The following XKR4 variants were observed in gnomAD, a reference collection of about 807,000 sequenced individuals.
The protein encoded by XKR4 is XK related 4.
XKR4 carries 12 observed loss-of-function variants against 53.9 expected under a neutral mutation model. The observed-to-expected ratio is 0.22, with a 90% CI of 0.14 to 0.36. XKR4 has a LOEUF of 0.36. Among genes scored for constraint, XKR4 ranks in the 10% least tolerant of loss-of-function variants. The pLI, the probability that XKR4 is intolerant of heterozygous loss-of-function variation, is 1.00. For missense variants in XKR4, 799 were observed against 859.5 expected (o/e 0.93, Z 0.88); for synonymous variants, 354 against 362.4 (o/e 0.98, Z 0.26).
At chr8:55,112,242 T>A (rs1043529836) in intron 1 of XKR4, among the ~76,000 whole-genome samples, 3 of 152,214 alleles carry the variant, frequency 2.0e-5, no homozygotes, top group Non-Finnish European at 2.9e-5. Context: ...TTTATACACA[T>A]GCCATATTTC....
chr8:55,125,237 C>CT (rs576784624), intron 1 of XKR4, among the ~76,000 whole-genome samples: 119 of 151,888 alleles, frequency 7.8e-4, no homozygotes, highest in African/African-American at 2.7e-3. Flanking sequence ...TTTCTTTTTT[C>CT]TTTTTTTCTT....
intron 2 of XKR4, among the ~76,000 whole-genome samples, chr8:55,518,828 C>A (rs1392296898): frequency 6.6e-6 from 1 of 152,088 alleles, no homozygotes; most frequent in Non-Finnish European, 1.5e-5. Flanking sequence ...AGCTAAAGGA[C>A]AACCAGACCA....
intron 1 of XKR4, among the ~76,000 whole-genome samples, chr8:55,253,395 T>C (rs1319707915): frequency 6.6e-6 from 1 of 152,246 alleles, no homozygotes; most frequent in Non-Finnish European, 1.5e-5. Flanking sequence ...GCCACACTTT[T>C]TTTTGTAATC....
At chr8:55,322,734 A>AT (rs1315478044) in intron 1 of XKR4, among the ~76,000 whole-genome samples, 7 of 152,242 alleles carry the variant, frequency 4.6e-5, no homozygotes, top group African/African-American at 7.2e-5. Flanking sequence ...AGAGTACGTG[A>AT]TATGTCTTTA....
At chr8:55,320,208 C>T (rs1358648781) in intron 1 of XKR4, among the ~76,000 whole-genome samples, 2 of 152,196 alleles carry the variant, frequency 1.3e-5, no homozygotes, top group Non-Finnish European at 2.9e-5. Flanking sequence ...TGCAAAACAA[C>T]AGAGCTGACA....
intron 1 of XKR4, among the ~76,000 whole-genome samples, chr8:55,331,246 A>C (rs1018380864): frequency 6.6e-6 from 1 of 152,080 alleles, no homozygotes; most frequent in Non-Finnish European, 1.5e-5. Flanking sequence ...TAATTTCTAC[A>C]TATTTGTGAA....
intron 1 of XKR4, among the ~76,000 whole-genome samples, chr8:55,325,715 A>G (rs1803282122): frequency 6.6e-6 from 1 of 152,052 alleles, no homozygotes; most frequent in Non-Finnish European, 1.5e-5. Flanking sequence ...GATATGGCTC[A>G]CTCCCCCATC....
At chr8:55,321,859 C>G (rs149517590) in intron 1 of XKR4, among the ~76,000 whole-genome samples, 1 of 152,046 alleles carries the variant, frequency 6.6e-6, no homozygotes. Flanking sequence ...CGTGGTGGCA[C>G]GCGCCTGTAG....
intron 1 of XKR4, among the ~76,000 whole-genome samples, chr8:55,136,126 T>TCA (rs1816625784): frequency 6.6e-6 from 1 of 152,166 alleles, no homozygotes; most frequent in Admixed American, 6.5e-5. Flanking sequence ...TCTCCTGACC[T>TCA]TGTGATCCGC....
intron 1 of XKR4, among the ~76,000 whole-genome samples, chr8:55,273,232 C>G (rs939874459): frequency 3.3e-5 from 5 of 151,606 alleles, no homozygotes; most frequent in African/African-American, 9.7e-5. Context: ...AGATTTGTCA[C>G]GAGTCACTAC....
At chr8:55,206,876 A>G (rs1449571489) in intron 1 of XKR4, among the ~76,000 whole-genome samples, 1 of 152,262 alleles carries the variant, frequency 6.6e-6, no homozygotes, top group Non-Finnish European at 1.5e-5. Flanking sequence ...GCCAAGGCTT[A>G]GAATTACAGA....
intron 1 of XKR4, among the ~76,000 whole-genome samples, chr8:55,196,175 CT>C (rs1032613430): frequency 0.015 from 1,950 of 125,924 alleles, 11 homozygotes; most frequent in Non-Finnish European, 0.017. Context: ...GTTGTGCTTC[CT>C]TTTTTTTTTT....
chr8:55,451,771 G>A, intron 2 of XKR4: 5 of 1,077,910 alleles, frequency 4.6e-6, no homozygotes, highest in African/African-American at 1.5e-5. Context: ...GCTGCTCAGG[G>A]GGCCCAGGCC....
intron 1 of XKR4, among the ~76,000 whole-genome samples, chr8:55,147,941 G>C (rs938876906): frequency 6.6e-6 from 1 of 152,090 alleles, no homozygotes. Flanking sequence ...TCTGTCTCTG[G>C]GGGACAAGAC....
intron 1 of XKR4, among the ~76,000 whole-genome samples, chr8:55,180,654 C>A (rs1025625094): frequency 6.6e-6 from 1 of 152,146 alleles, no homozygotes; most frequent in Non-Finnish European, 1.5e-5. Context: ...GCCTCAGCCT[C>A]CCGAGCAGCT....
intron 2 of XKR4, among the ~76,000 whole-genome samples, chr8:55,439,935 C>T (rs188794232): frequency 5.9e-5 from 9 of 152,046 alleles, no homozygotes; most frequent in East Asian, 5.8e-4. Context: ...AGCTGCAGGA[C>T]GCCAAAAAAC....
chr8:55,276,727 G>T (rs1818769575), intron 1 of XKR4, among the ~76,000 whole-genome samples: 2 of 152,096 alleles, frequency 1.3e-5, no homozygotes, highest in African/African-American at 2.4e-5. Context: ...TAAATATTGG[G>T]CACATTAATT....
rs1353750112 is a variant in XKR4 at position 55,532,700 on chromosome 8, G to A, written c.*8473G>A. 2 of 149,590 alleles carry A rather than the reference G, an allele frequency of 1.3e-5. No homozygotes were observed. Among genetic ancestry groups the A allele is most frequent in the Admixed American group, 6.8e-5 (1 of 14,758 alleles). 9.3% of individuals were successfully genotyped at this position (149,590 alleles called of 1,614,324 possible). The stretch of plus-strand genomic sequence containing the variant: ...TGGTCCCAGCTACTCGGGAGGCTGA[G>A]GCAGGAGAATGGCATGAACCCAGGA... On this transcript the variant is annotated 3_prime_UTR_variant, in exon 3 of 3. Transcript: ENST00000327381.
intron 2 of XKR4, among the ~76,000 whole-genome samples, chr8:55,365,747 G>A (rs866340879): frequency 2.0e-5 from 3 of 151,790 alleles, no homozygotes; most frequent in South Asian, 2.1e-4. Context: ...ATCGAGGAAT[G>A]GGCGGCACAG....
Sources: allele counts gnomAD v4.1 joint callset (sites outside exome capture counted in the v4.1 genomes callset), GRCh38; gene constraint gnomAD v4.1.1; transcripts MANE v1.5; gene names NCBI Gene and HGNC (gene_info 2026-07-23, HGNC 2026-07-21).